SLC4A7: variants seen among roughly 807,000 people sequenced by gnomAD.
SLC4A7 encodes solute carrier family 4 member 7.
Under a neutral mutation model 137.6 loss-of-function variants are expected in SLC4A7, and 51 were observed. That is an observed-to-expected ratio of 0.37 (90% CI 0.30 to 0.47). The LOEUF (loss-of-function observed/expected upper bound fraction) is 0.47, where lower values mean the gene tolerates loss of function less well. Among genes scored for constraint, SLC4A7 ranks in the 20% least tolerant of loss-of-function variants. SLC4A7 has a pLI of 1.00. For synonymous variants in SLC4A7, 542 were observed against 518.6 expected, an observed-to-expected ratio of 1.05 and a Z score of -0.61; for missense variants, 1,247 against 1,525.4, an observed-to-expected ratio of 0.82 and a Z score of 3.04.
chr3:27,424,505 G>C (rs1299203544), intron 7 of SLC4A7: 1 of 161,256 alleles, frequency 6.2e-6, no homozygotes, highest in East Asian at 1.8e-4. Flanking sequence ...TCATAAACAT[G>C]TGAAATGCAT....
intron 1 of SLC4A7, among the ~76,000 whole-genome samples, chr3:27,480,996 T>C (rs935279070): frequency 7.2e-5 from 11 of 152,054 alleles, no homozygotes; most frequent in Non-Finnish European, 1.3e-4. Context: ...ATGAATAAAA[T>C]CATAACAAAA....
At chr3:27,429,964 C>G (rs780125991) in intron 7 of SLC4A7, among the ~76,000 whole-genome samples, 16 of 152,084 alleles carry the variant, frequency 1.1e-4, no homozygotes, top group Non-Finnish European at 2.2e-4. Flanking sequence ...ACCTATAATC[C>G]CAGCATTTTG....
chr3:27,407,350 G>T (rs963221177), intron 13 of SLC4A7, among the ~76,000 whole-genome samples: 1 of 151,642 alleles, frequency 6.6e-6, no homozygotes, highest in Non-Finnish European at 1.5e-5. Context: ...CGTGGTGGTG[G>T]GCCCCTGTAG....
At chr3:27,397,940 TTTATA>T in intron 17 of SLC4A7, 143 bp from the exon 18 acceptor site, 1 of 623,198 alleles carries the variant, frequency 1.6e-6, no homozygotes, top group Admixed American at 3.3e-5. Flanking sequence ...GTGAAACACA[TTTATA>T]TTTAATTCTT....
chr3:27,482,219 A>G (rs1174850146), intron 1 of SLC4A7, among the ~76,000 whole-genome samples: 2 of 152,234 alleles, frequency 1.3e-5, no homozygotes, highest in East Asian at 1.9e-4. Flanking sequence ...TTTAAATAGC[A>G]TAAACACTAG....
At chr3:27,404,749 AGC>A in intron 14 of SLC4A7, 79 bp downstream of exon 14, 3 of 1,202,758 alleles carry the variant, frequency 2.5e-6, no homozygotes, top group Admixed American at 2.5e-5. Flanking sequence ...ATTACTTTTA[AGC>A]AATTAAATAA....
At chr3:27,391,830 T>C in intron 20 of SLC4A7, 22 bp from the exon 21 acceptor site, 1 of 1,420,502 alleles carries the variant, frequency 7.0e-7, no homozygotes, top group Non-Finnish European at 9.8e-7. Context: ...ATGAACACAA[T>C]TAGAACTCAT....
At chr3:27,474,489 A>T (rs576616690) in intron 1 of SLC4A7, among the ~76,000 whole-genome samples, 1 of 152,296 alleles carries the variant, frequency 6.6e-6, no homozygotes, top group East Asian at 1.9e-4. Flanking sequence ...AGGCAGGCAG[A>T]TCACGAGGTC....
intron 21 of SLC4A7, among the ~76,000 whole-genome samples, chr3:27,390,957 A>G (rs918435054): frequency 6.6e-6 from 1 of 152,024 alleles, no homozygotes; most frequent in African/African-American, 2.4e-5. Context: ...CTGAGTAGCC[A>G]GCACTACAAG....
rs923982818 is a variant in SLC4A7 at position 27,375,164 on chromosome 3, T to A, written c.*1600A>T. 1 of 152,052 alleles carries A rather than the reference T, an allele frequency of 6.6e-6. No homozygotes were observed. Among genetic ancestry groups the A allele is most frequent in the Non-Finnish European group, 1.5e-5 (1 of 67,900 alleles). The allele number at this position is 152,052 out of a possible 1,614,324, so 9.4% of individuals were successfully genotyped here. A position where few individuals can be genotyped will look rare whatever the true frequency, so the allele number is the denominator to read the frequency against. On this transcript the variant is annotated 3_prime_UTR_variant, in exon 26 of 26. Transcript: ENST00000454389. ...TATAATGAATTTAAAACACCAGACT[T>A]GCTAAAATTTCAGCTTTTGGCATTC...
intron 1 of SLC4A7, among the ~76,000 whole-genome samples, chr3:27,453,858 C>A (rs556387479): frequency 6.6e-6 from 1 of 152,226 alleles, no homozygotes; most frequent in Admixed American, 6.5e-5. Context: ...AACTGTAAAT[C>A]AAATATATTT....
In SLC4A7 at chr3:27,431,592, G is replaced by C. The variant is rs374589535; in HGVS notation, c.856C>G (p.Pro286Ala). 2 of 1,613,892 alleles carry C rather than the reference G, an allele frequency of 1.2e-6. No homozygotes were observed. The highest frequency in any genetic ancestry group is 2.2e-5 in the East Asian group (1 of 44,892). The change falls in exon 7 of 26, where the codon CCT (proline) becomes GCT (alanine). Residue 286 changes from proline (P) to alanine (A), a missense_variant. This residue lies in a region of SLC4A7 where 223 missense variants were observed against 203.6 expected (regional missense o/e 1.10). Transcript: ENST00000454389. ...AGATGACCAAGAAGAAGAGATAAAG[G>C]TGATTCTCCTCTCAAGGAAAGGTTT... ...ASNLSLRGES[P>A]LSLLLGHLLP...
intron 1 of SLC4A7, among the ~76,000 whole-genome samples, chr3:27,472,126 G>T (rs2059272090): frequency 6.6e-6 from 1 of 152,098 alleles, no homozygotes; most frequent in Non-Finnish European, 1.5e-5. Flanking sequence ...CACTGGCATG[G>T]TATAAAACAA....
intron 1 of SLC4A7, among the ~76,000 whole-genome samples, chr3:27,483,730 G>C (rs1057397064): frequency 1.3e-5 from 2 of 151,872 alleles, no homozygotes; most frequent in African/African-American, 4.8e-5. Flanking sequence ...TAAGAAACAG[G>C]GGAGGCGAGC....
rs1025726312 is a variant in SLC4A7, at chr3:27,431,516, G to A, written c.932C>T (p.Pro311Leu). ...AGGACTGTTTTGAGGGGTGGGTACT[G>A]GGGTTGTACACCTTGAGCCTGCAGG... ...GTPAGSRCTT[P>L]VPTPQNSPPS... The change falls in exon 7 of 26, where the codon CCA becomes CTA. Residue 311 changes from proline (P) to leucine (L), a missense_variant. By Grantham distance (98) the Pro-to-Leu change is moderately conservative. Coordinates refer to ENST00000454389, the MANE Select transcript of SLC4A7 (RefSeq NM_001321103.2). 1.2e-6 allele frequency: 2 copies of A among 1,614,112 alleles called. No homozygotes were observed. The highest frequency in any genetic ancestry group is 1.7e-6 in the Non-Finnish European group (2 of 1,180,004).
rs73048074 is a variant in SLC4A7 at position 27,422,444 on chromosome 3, T to C, written c.1267-665A>G. On this transcript the variant is annotated intron_variant, in intron 8 of 25. Coordinates refer to ENST00000454389, the MANE Select transcript of SLC4A7 (RefSeq NM_001321103.2). ...TACCACGCCTGGCTAATTTTTGTTG[T>C]TTTTTTGTAGAGGTGGGGGGCTTGC... Among the ~76,000 whole-genome samples, 1,424 of 152,048 alleles carry C rather than the reference T, an allele frequency of 9.4e-3. 21 individuals carry two copies. The highest frequency in any genetic ancestry group is 0.064 in the East Asian group (331 of 5,156).
At chr3:27,425,370 T>TCAAAA (rs2055462796) in intron 7 of SLC4A7, among the ~76,000 whole-genome samples, 2 of 57,000 alleles carry the variant, frequency 3.5e-5, no homozygotes, top group African/African-American at 1.7e-4. Context: ...AACTCCGTCC[T>TCAAAA]AAAAAAAAAA....
Position 27,421,716 on chromosome 3 carries a change from C to A in SLC4A7, c.1330G>T (p.Glu444Ter). 6.2e-7 allele frequency: 1 copy of A among 1,613,726 alleles called. No homozygotes were observed. Among genetic ancestry groups the A allele is most frequent in the Non-Finnish European group, 8.5e-7 (1 of 1,179,770 alleles). The change falls in exon 9 of 26, where the codon GAA becomes TAA. Residue 444 changes from glutamate (E) to a stop codon, truncating the protein, a stop_gained. Transcript: ENST00000454389. LOFTEE classifies it high-confidence loss of function. ...ATTGGCCTTTCCAAAAAGTCTACTT[C>A]GCCCACCAGGACGTTGGATGCCTCA... ...GAEASNVLVG[E>*]VDFLERPIIA... is the part of the protein sequence containing the mutation.
At chr3:27,476,573 TGAA>T (rs1428123366) in intron 1 of SLC4A7, among the ~76,000 whole-genome samples, 1 of 152,192 alleles carries the variant, frequency 6.6e-6, no homozygotes, top group Non-Finnish European at 1.5e-5. Context: ...CCCCTCATGT[TGAA>T]GAAGGGGCCT....
Sources: gnomAD v4.1 joint callset for allele counts (sites outside exome capture counted in the v4.1 genomes callset) on GRCh38, gnomAD v4.1.1 for gene constraint, gnomAD v4.1.1 regional missense constraint, MANE v1.5 for transcripts, NCBI Gene and HGNC (gene_info 2026-07-23, HGNC 2026-07-21) for gene names.